KCNQ5: variants seen among roughly 807,000 people sequenced by gnomAD.
KCNQ5 encodes potassium voltage-gated channel subfamily Q member 5.
A neutral mutation model predicts 98.2 loss-of-function variants in KCNQ5; 30 were observed. The observed-to-expected ratio is 0.31, with a 90% CI of 0.23 to 0.41. KCNQ5 has a LOEUF of 0.41. Ranked by LOEUF, KCNQ5 falls within the 10% of genes least tolerant of loss-of-function variation. The pLI, the probability that KCNQ5 is intolerant of heterozygous loss-of-function variation, is 1.00. For synonymous variants in KCNQ5, 458 were observed against 449.4 expected (o/e 1.02, Z -0.24); for missense variants, 835 against 1,182.5 (o/e 0.71, Z 4.31).
At chr6:73,096,981 C>T (rs1009883352) in intron 5 of KCNQ5, among the ~76,000 whole-genome samples, 7 of 151,660 alleles carry the variant, frequency 4.6e-5, no homozygotes, top group African/African-American at 7.3e-5. Context: ...AGGCAGTTTG[C>T]GGTAAGCTGA....
chr6:72,757,553 C>T (rs1443408774), intron 1 of KCNQ5, among the ~76,000 whole-genome samples: 1 of 152,074 alleles, frequency 6.6e-6, no homozygotes, highest in East Asian at 1.9e-4. Flanking sequence ...GCCTATTTTA[C>T]AATAAAATGT....
intron 1 of KCNQ5, among the ~76,000 whole-genome samples, chr6:72,810,535 C>T (rs1421053885): frequency 2.6e-5 from 4 of 152,158 alleles, no homozygotes; most frequent in African/African-American, 9.7e-5. Context: ...ATAAAAATTT[C>T]TCACCCTCCA....
chr6:72,668,724 C>T (rs993415019), intron 1 of KCNQ5, among the ~76,000 whole-genome samples: 1 of 147,234 alleles, frequency 6.8e-6, no homozygotes, highest in Non-Finnish European at 1.5e-5. Context: ...TGGGGAGGCC[C>T]TCTTTCTGGG....
At chr6:73,073,074 C>A (rs1773367370) in intron 3 of KCNQ5, among the ~76,000 whole-genome samples, 1 of 152,160 alleles carries the variant, frequency 6.6e-6, no homozygotes, top group African/African-American at 2.4e-5. Context: ...TATGCGATAA[C>A]AATTTATTCC....
At chr6:72,753,804 GA>G in intron 1 of KCNQ5, among the ~76,000 whole-genome samples, 1 of 152,046 alleles carries the variant, frequency 6.6e-6, no homozygotes, top group East Asian at 1.9e-4. Flanking sequence ...TGAATTGTAA[GA>G]GCTCTTTATG....
At chr6:72,632,780 A>G (rs1007991899) in intron 1 of KCNQ5, among the ~76,000 whole-genome samples, 2 of 151,904 alleles carry the variant, frequency 1.3e-5, no homozygotes, top group African/African-American at 4.8e-5. Context: ...TTATGGCTGC[A>G]TAGAATTCTA....
At chr6:72,745,293 CTATT>C (rs769246118) in intron 1 of KCNQ5, among the ~76,000 whole-genome samples, 5 of 152,184 alleles carry the variant, frequency 3.3e-5, no homozygotes, top group Admixed American at 2.0e-4. Flanking sequence ...TTTACCACCT[CTATT>C]TATTAATTGA....
intron 1 of KCNQ5, among the ~76,000 whole-genome samples, chr6:72,980,445 A>G (rs577918526): frequency 6.6e-6 from 1 of 152,198 alleles, no homozygotes; most frequent in South Asian, 2.1e-4. Context: ...GCAATTTTGA[A>G]TGGGAGTTCA....
intron 6 of KCNQ5, among the ~76,000 whole-genome samples, chr6:73,108,852 A>G (rs1226056130): frequency 6.6e-6 from 1 of 152,182 alleles, no homozygotes; most frequent in Admixed American, 6.5e-5. Context: ...TAAAAAAAAT[A>G]GGATGTCTTT....
At chr6:72,871,219 A>AT (rs1562037520) in intron 1 of KCNQ5, among the ~76,000 whole-genome samples, 3 of 152,056 alleles carry the variant, frequency 2.0e-5, no homozygotes, top group Admixed American at 6.6e-5. Context: ...TCATTAAATT[A>AT]TTTTTTTTAG....
chr6:73,086,308 A>G (rs964605719), intron 5 of KCNQ5, among the ~76,000 whole-genome samples: 3 of 152,072 alleles, frequency 2.0e-5, no homozygotes, highest in Admixed American at 2.0e-4. Flanking sequence ...AAGGACAGAC[A>G]TAAGCATTCC....
chr6:73,102,030 T>C (rs1332218006), intron 5 of KCNQ5, among the ~76,000 whole-genome samples: 1 of 152,016 alleles, frequency 6.6e-6, no homozygotes, highest in Non-Finnish European at 1.5e-5. Context: ...CAAAACAAAA[T>C]GGTACTGGCA....
At chr6:72,962,205 A>G (rs1189492428) in intron 1 of KCNQ5, among the ~76,000 whole-genome samples, 1 of 134,342 alleles carries the variant, frequency 7.4e-6, no homozygotes, top group African/African-American at 3.1e-5. Flanking sequence ...ATATATACAT[A>G]TATATATATA....
chr6:73,022,410 G>A (rs1045272678), intron 2 of KCNQ5, among the ~76,000 whole-genome samples: 1 of 152,080 alleles, frequency 6.6e-6, no homozygotes, highest in African/African-American at 2.4e-5. Context: ...GGAATGCTGA[G>A]GAAAGGGGAA....
rs574099071 is a variant in KCNQ5, at chr6:72,749,548, GC to G, written c.398+126963del. 2.4e-3 allele frequency among the ~76,000 whole-genome samples: 366 copies of G among 152,158 alleles called. 3 individuals carry two copies. Among genetic ancestry groups the G allele is most frequent in the African/African-American group, 8.5e-3 (352 of 41,534 alleles). Reference sequence around the variant, plus strand: ...TACTTCCTCCAACTGCTCACAAGTAGCCAAAGGGAAGGATTTGAACTTCATT... The same window carrying G: ...TACTTCCTCCAACTGCTCACAAGTAGCAAAGGGAAGGATTTGAACTTCATT... On this transcript the variant is annotated intron_variant, in intron 1 of 13. Coordinates refer to ENST00000370398, the MANE Select transcript of KCNQ5 (RefSeq NM_019842.4).
intron 1 of KCNQ5, among the ~76,000 whole-genome samples, chr6:72,962,930 C>T (rs1767442756): frequency 6.6e-6 from 1 of 152,108 alleles, no homozygotes; most frequent in South Asian, 2.1e-4. Flanking sequence ...TAAAGACACT[C>T]TTGATTCTTT....
intron 1 of KCNQ5, among the ~76,000 whole-genome samples, chr6:72,879,181 A>G (rs1156312050): frequency 6.6e-6 from 1 of 152,196 alleles, no homozygotes; most frequent in Non-Finnish European, 1.5e-5. Context: ...TAATTTTACT[A>G]GATATTGACA....
At chr6:72,977,004 A>G (rs1439194530) in intron 1 of KCNQ5, among the ~76,000 whole-genome samples, 1 of 152,246 alleles carries the variant, frequency 6.6e-6, no homozygotes, top group African/African-American at 2.4e-5. Flanking sequence ...TTGCATTTTA[A>G]GCAGGGATTT....
At chr6:72,976,116 TTA>T (rs1213688421) in intron 1 of KCNQ5, among the ~76,000 whole-genome samples, 1 of 152,250 alleles carries the variant, frequency 6.6e-6, no homozygotes, top group Non-Finnish European at 1.5e-5. Context: ...AAGTTTAAGC[TTA>T]TTTTTATCCT....
Sources: gnomAD v4.1 joint callset for allele counts (sites outside exome capture counted in the v4.1 genomes callset) on GRCh38, gnomAD v4.1.1 for gene constraint, MANE v1.5 for transcripts, NCBI Gene and HGNC (gene_info 2026-07-23, HGNC 2026-07-21) for gene names.